The following JAK1 variants were observed in gnomAD, a reference collection of about 807,000 sequenced individuals.
JAK1 encodes the protein tyrosine-protein kinase JAK1.
A neutral mutation model predicts 136.6 loss-of-function variants in JAK1; 16 were observed. The ratio of observed to expected loss-of-function variants is 0.12; its 90% CI spans 0.08 to 0.18. JAK1 has a LOEUF of 0.18. Ranked by LOEUF, JAK1 falls within the 10% of genes least tolerant of loss-of-function variation. JAK1 has a pLI of 1.00. For synonymous variants in JAK1, 492 were observed against 519.5 expected (o/e 0.95, Z 0.72); for missense variants, 859 against 1,450.1 (o/e 0.59, Z 6.62).
chr1:65,055,364 A>G (rs1647485248), intron 1 of JAK1, among the ~76,000 whole-genome samples: 1 of 152,214 alleles, frequency 6.6e-6, no homozygotes, highest in African/African-American at 2.4e-5. Context: ...TCATATTCCA[A>G]TGTAGGTATA....
chr1:64,897,540 A>AG (rs568972586), intron 1 of JAK1, among the ~76,000 whole-genome samples: 2 of 140 alleles, frequency 0.014, 1 homozygote, highest in Non-Finnish European at 0.022. Flanking sequence ...GAGGAGGAGG[A>AG]GGAGGAGGAG....
intron 2 of JAK1, among the ~76,000 whole-genome samples, chr1:64,980,776 G>A (rs1455097121): frequency 8.0e-5 from 12 of 150,034 alleles, no homozygotes; most frequent in Non-Finnish European, 1.8e-4. Flanking sequence ...TCCTGTGTCC[G>A]AGAGTTCTCA....
intron 1 of JAK1, among the ~76,000 whole-genome samples, chr1:64,893,211 G>GACAGGAAGAATCTT (rs1557669773): frequency 6.6e-6 from 1 of 152,160 alleles, no homozygotes; most frequent in African/African-American, 2.4e-5. Context: ...AGAGTATGCA[G>GACAGGAAGAATCTT]ACAGGAAGAA....
intron 1 of JAK1, among the ~76,000 whole-genome samples, chr1:64,946,146 G>C (rs772758294): frequency 5.9e-5 from 9 of 152,066 alleles, no homozygotes; most frequent in Non-Finnish European, 1.2e-4. Flanking sequence ...TGCCAAGAAA[G>C]CCTTGTTAAG....
chr1:64,896,974 T>A (rs1645023180), intron 1 of JAK1, among the ~76,000 whole-genome samples: 1 of 152,132 alleles, frequency 6.6e-6, no homozygotes, highest in Non-Finnish European at 1.5e-5. Context: ...TATTTTAAAC[T>A]CTTGGAAAAA....
chr1:64,885,528 C>T (rs778579029), intron 2 of JAK1, among the ~76,000 whole-genome samples: 10 of 151,924 alleles, frequency 6.6e-5, no homozygotes, highest in Non-Finnish European at 1.3e-4. Flanking sequence ...CCAAGGCGGG[C>T]GGATCACGAG....
chr1:65,064,166 G>A (rs769222681), intron 1 of JAK1, among the ~76,000 whole-genome samples: 20 of 152,172 alleles, frequency 1.3e-4, no homozygotes, highest in African/African-American at 3.1e-4. Context: ...AAGTAGATGC[G>A]TAAGCTCAAG....
At chr1:64,851,502 C>T (rs964158606) in intron 11 of JAK1, among the ~76,000 whole-genome samples, 1 of 152,304 alleles carries the variant, frequency 6.6e-6, no homozygotes, top group Middle Eastern at 3.4e-3. Context: ...CATAACAGTG[C>T]CCTGTCTGAA....
At chr1:64,837,136 C>T (rs941971554) in intron 22 of JAK1, among the ~76,000 whole-genome samples, 1 of 152,296 alleles carries the variant, frequency 6.6e-6, no homozygotes, top group Admixed American at 6.5e-5. Flanking sequence ...CAAGCCCGAA[C>T]CCTTCTGTAT....
chr1:64,864,852 C>T lies in JAK1; in HGVS notation c.1111G>A (p.Glu371Lys), dbSNP rs1455440071. 1 of 1,613,990 alleles carries T rather than the reference C, an allele frequency of 6.2e-7. No individual in the cohort carries two copies. The highest frequency in any genetic ancestry group is 8.5e-7 in the Non-Finnish European group (1 of 1,179,892). The change falls in exon 8 of 25, where the codon GAA (glutamate) becomes AAA (lysine). Residue 371 changes from glutamate (E) to lysine (K), a missense_variant. Physicochemically the swap from Glu to Lys is moderately conservative, Grantham distance 56 (BLOSUM62 1). This residue lies in a region of JAK1 where 353 missense variants were observed against 494.0 expected (regional missense o/e 0.71). Coordinates refer to ENST00000342505, the MANE Select transcript of JAK1 (RefSeq NM_002227.4). ...TCCTTTATTACAATGTGAGTGATTT[C>T]AGGGAAGTAAGAAAAATTGTTCCAC... ...EEWNNFSYFP[E>K]ITHIVIKESV...
At chr1:65,042,693 G>A (rs1176752497) in intron 2 of JAK1, among the ~76,000 whole-genome samples, 3 of 152,082 alleles carry the variant, frequency 2.0e-5, no homozygotes, top group Admixed American at 1.3e-4. Context: ...CTGACTCAAC[G>A]GGGACTTTTC....
chr1:64,986,597 T>G (rs1251964586), intron 2 of JAK1, among the ~76,000 whole-genome samples: 2 of 151,992 alleles, frequency 1.3e-5, no homozygotes, highest in Non-Finnish European at 2.9e-5. Context: ...TTGTGAAGAT[T>G]AAGTTAAATA....
rs537656624 is a variant in JAK1, at chr1:64,949,346, C to CA, written c.-78+16986dup. Among the ~76,000 whole-genome samples the CA allele has an allele frequency of 2.7e-3, 406 of 152,260 alleles. 2 individuals are homozygous for CA. The highest frequency in any genetic ancestry group is 8.8e-3 in the African/African-American group (365 of 41,544). On this transcript the variant is annotated intron_variant, in intron 1 of 24. Transcript: ENST00000342505. ...ATTTTAACCTGACTGATGTAAAAGT[C>CA]AAAGCCCCGCCCCTACTCCTATTAG...
chr1:64,838,242 A>C (rs1447338203), intron 21 of JAK1, 138 bp from the exon 22 acceptor site: 1 of 955,832 alleles, frequency 1.0e-6, no homozygotes, highest in East Asian at 2.6e-5. Flanking sequence ...CTTTTATGCA[A>C]GAATATTAAG....
intron 2 of JAK1, among the ~76,000 whole-genome samples, chr1:64,978,855 T>TAAA (rs76186540): frequency 1.4e-5 from 2 of 139,674 alleles, no homozygotes; most frequent in African/African-American, 5.3e-5. Context: ...TTTGATAGAT[T>TAAA]AAAAAAAAAA....
At chr1:64,919,190 T>C (rs1464672348) in intron 1 of JAK1, among the ~76,000 whole-genome samples, 6 of 152,038 alleles carry the variant, frequency 3.9e-5, no homozygotes, top group Non-Finnish European at 8.8e-5. Context: ...CAACAGGCCC[T>C]GGTGTGTGAT....
chr1:64,946,024 AC>A (rs1189761583), intron 1 of JAK1, among the ~76,000 whole-genome samples: 2 of 152,198 alleles, frequency 1.3e-5, no homozygotes, highest in Non-Finnish European at 2.9e-5. Context: ...GGCATGAGCC[AC>A]GGCACCCGGC....
At chr1:65,053,032 A>T (rs1302770284) in intron 1 of JAK1, among the ~76,000 whole-genome samples, 2 of 125,522 alleles carry the variant, frequency 1.6e-5, no homozygotes, top group African/African-American at 6.6e-5. Context: ...TCTTGTCTCA[A>T]AAAAAAAAAA....
At chr1:64,951,021 T>C (rs1646076341) in intron 1 of JAK1, among the ~76,000 whole-genome samples, 1 of 152,226 alleles carries the variant, frequency 6.6e-6, no homozygotes, top group Non-Finnish European at 1.5e-5. Context: ...TGTGTGCTAA[T>C]AACCCTTAAA....
Sources: allele counts gnomAD v4.1 joint callset (sites outside exome capture counted in the v4.1 genomes callset), GRCh38; gene constraint gnomAD v4.1.1; regional missense constraint gnomAD v4.1.1; transcripts MANE v1.5; gene names NCBI Gene and HGNC (gene_info 2026-07-23, HGNC 2026-07-21).